Variants in TMEM87B observed in about 807,000 individuals in gnomAD.
The protein encoded by TMEM87B is transmembrane protein 87B.
A neutral mutation model predicts 80.3 loss-of-function variants in TMEM87B; 83 were observed. That is an observed-to-expected ratio of 1.03 (90% CI 0.87 to 1.24). The LOEUF is 1.24. TMEM87B is among the 50% of genes most tolerant of loss of function. TMEM87B has a pLI of 0.00. For missense variants in TMEM87B, 625 were observed against 674.4 expected, an observed-to-expected ratio of 0.93 and a Z score of 0.81; for synonymous variants, 219 against 230.5, an observed-to-expected ratio of 0.95 and a Z score of 0.45.
chr2:112,056,226 TA>T (rs112979922), intron 1 of TMEM87B, among the ~76,000 whole-genome samples: 230 of 143,440 alleles, frequency 1.6e-3, no homozygotes, highest in Non-Finnish European at 1.2e-3. Flanking sequence ...GCCGCTTCCT[TA>T]AAAAAAAAAA....
rs143604454 is a variant in TMEM87B at position 112,070,242 on chromosome 2, C to T, written c.450+3175C>T. ...TTTTTTGGCAACTTTGTCATGAAAT[C>T]GTCACCTGTCCTATGTCCAGAATGG... On this transcript the variant is annotated intron_variant, in intron 4 of 18. Transcript: ENST00000283206. Among the ~76,000 whole-genome samples, 13 of 152,240 alleles carry T rather than the reference C, an allele frequency of 8.5e-5. No homozygotes were observed. The East Asian group carries it at 1.3e-3, about 16-fold the overall frequency.
chr2:112,112,006 C>G (rs1393323060), intron 17 of TMEM87B, among the ~76,000 whole-genome samples: 1 of 152,170 alleles, frequency 6.6e-6, no homozygotes, highest in East Asian at 1.9e-4. Context: ...GCCGTCTTCT[C>G]CCCCATATTT....
At position 112,098,485 on chromosome 2, in the gene TMEM87B, T is replaced by TA. The variant is rs1165840219; in HGVS notation, c.1273-109dup. The TA allele has an allele frequency of 7.5e-6, 7 of 935,830 alleles. No individual in the cohort carries two copies. The East Asian group carries it at 1.8e-4, about 24-fold the overall frequency. 58.0% of individuals were successfully genotyped at this position (935,830 alleles called of 1,614,324 possible). ...TATGTGCTTGTTTATTTGGAAGACT[T>TA]ACTGGTTGGAAAGATTTCATTAGTA... On this transcript the variant is annotated intron_variant, in intron 13 of 18. Transcript: ENST00000283206.
intron 15 of TMEM87B, among the ~76,000 whole-genome samples, chr2:112,104,168 T>G (rs567611673): frequency 6.6e-5 from 10 of 152,292 alleles, no homozygotes; most frequent in African/African-American, 2.4e-4. Context: ...TTAATGACGT[T>G]GGATGGGGTA....
Position 112,055,621 on chromosome 2 carries a change from G to A in TMEM87B, c.30G>A (p.Gly10=), listed in dbSNP as rs1429728562. 4 of 1,540,544 alleles carry A rather than the reference G, an allele frequency of 2.6e-6. No individual in the cohort carries two copies. Among genetic ancestry groups the A allele is most frequent in the Non-Finnish European group, 3.5e-6 (4 of 1,145,596 alleles). The change falls in exon 1 of 19, where the codon GGG becomes GGA. Residue 10 remains glycine (G), a synonymous_variant. Transcript: ENST00000283206. ...TCGCCGCCTGCCGCTCGGTAGCCGG[G>A]CTCCTGCCACGCCGCCGCCGCTGCT... MVAACRSVA[G]LLPRRRRCFP...
At chr2:112,068,277 G>A (rs192384940) in intron 4 of TMEM87B, among the ~76,000 whole-genome samples, 1 of 152,190 alleles carries the variant, frequency 6.6e-6, no homozygotes, top group African/African-American at 2.4e-5. Context: ...AGATTATGAG[G>A]CATTTAAATT....
At chr2:112,100,551 CT>C (rs1679601207) in intron 14 of TMEM87B, 70 bp from the exon 15 acceptor site, 3 of 938,866 alleles carry the variant, frequency 3.2e-6, no homozygotes, top group South Asian at 1.7e-5. Context: ...TATACAATGG[CT>C]TTTAGATATA....
rs1389634909 is a variant in TMEM87B, at chr2:112,081,322, T to C, written c.655-13T>C. 5 of 1,580,840 alleles carry C rather than the reference T, an allele frequency of 3.2e-6. No homozygotes were observed. The highest frequency in any genetic ancestry group is 1.7e-6 in the Non-Finnish European group (2 of 1,166,454). ...AAAGGCTTAACTGACTAAAATTGCT[T>C]CTCTTCCTACAGTTTTACATGGTGA... On this transcript the variant is annotated splice_polypyrimidine_tract_variant and intron_variant, in intron 7 of 18. Coordinates refer to ENST00000283206, the MANE Select transcript of TMEM87B (RefSeq NM_032824.3).
In TMEM87B at chr2:112,097,240, A is replaced by G. The variant is rs1277265427; in HGVS notation, c.1221A>G (p.Ile407Met). 6.2e-7 allele frequency: 1 copy of G among 1,609,310 alleles called. No individual in the cohort carries two copies. Among genetic ancestry groups the G allele is most frequent in the African/African-American group, 1.3e-5 (1 of 74,578 alleles). ...NTLIFAVLAS[I>M]VFMGWTTKTF... The stretch of plus-strand genomic sequence containing the variant: ...ACTTTTTGTGTGTTTCAGCTTCTAT[A>G]GTGTTTATGGGGTGGACAACTAAGA... The change falls in exon 13 of 19, where the codon ATA becomes ATG. Residue 407 changes from isoleucine (I) to methionine (M), a missense_variant. Ile to Met is a conservative substitution (Grantham distance 10). Transcript: ENST00000283206.
At chr2:112,095,089 A>T (rs1679418340) in intron 11 of TMEM87B, 1 of 784,460 alleles carries the variant, frequency 1.3e-6, no homozygotes, top group African/African-American at 1.9e-5. Context: ...CCATAGCCTT[A>T]GCCTTTCTCC....
chr2:112,068,798 CT>C (rs1678521731), intron 4 of TMEM87B, among the ~76,000 whole-genome samples: 1 of 152,226 alleles, frequency 6.6e-6, no homozygotes, highest in Admixed American at 6.5e-5. Context: ...CTTCCTAACA[CT>C]TTCCCTGCCA....
intron 11 of TMEM87B, 58 bp from the exon 12 acceptor site, chr2:112,096,986 G>T (rs909689758): frequency 3.8e-5 from 35 of 919,800 alleles, no homozygotes; most frequent in African/African-American, 2.8e-4. Context: ...AGAAGATTCT[G>T]TTTTTTTTTT....
chr2:112,117,363 T>G lies in TMEM87B; in HGVS notation c.*1220T>G, dbSNP rs1680051754. ...AAATTGAGAATGACTTCAGAGAATT[T>G]TGATTAAGAAAACATTAAAATCTTA... On this transcript the variant is annotated 3_prime_UTR_variant, in exon 19 of 19. Coordinates refer to ENST00000283206, the MANE Select transcript of TMEM87B (RefSeq NM_032824.3). 1 of 152,212 alleles carries G rather than the reference T, an allele frequency of 6.6e-6. No homozygotes were observed. The highest frequency in any genetic ancestry group is 1.5e-5 in the Non-Finnish European group (1 of 68,030). 9.4% of individuals were successfully genotyped at this position (152,212 alleles called of 1,614,324 possible).
chr2:112,082,001 T>A (rs1180488819), intron 8 of TMEM87B, among the ~76,000 whole-genome samples: 1 of 152,120 alleles, frequency 6.6e-6, no homozygotes, highest in Non-Finnish European at 1.5e-5. Flanking sequence ...CCCACAAAGA[T>A]CTTCATATAA....
At chr2:112,072,625 T>G (rs1468361319) in intron 4 of TMEM87B, among the ~76,000 whole-genome samples, 1 of 152,210 alleles carries the variant, frequency 6.6e-6, no homozygotes, top group East Asian at 1.9e-4. Flanking sequence ...ATTCCGTTTG[T>G]CATTTCTAAT....
intron 11 of TMEM87B, 40 bp downstream of exon 11, chr2:112,091,823 A>T (rs943888652): frequency 9.2e-6 from 13 of 1,418,470 alleles, no homozygotes; most frequent in Non-Finnish European, 1.3e-5. Flanking sequence ...TTGTTGTATC[A>T]TGAAAATCAG....
chr2:112,106,314 G>A lies in TMEM87B; in HGVS notation c.1524+239G>A, dbSNP rs149741398. Among the ~76,000 whole-genome samples the A allele has an allele frequency of 3.9e-5, 6 of 152,272 alleles. No individual in the cohort carries two copies. In the East Asian group the frequency reaches 1.2e-3, roughly 29 times the overall value. ...TGCTGTTCCTAGGCCAGCAGCATGA[G>A]CATCATCTGGGAACTTGTTAGAGAT... On this transcript the variant is annotated intron_variant, in intron 16 of 18. Transcript: ENST00000283206.
At chr2:112,112,633 C>G (rs894197576) in intron 17 of TMEM87B, among the ~76,000 whole-genome samples, 2 of 152,222 alleles carry the variant, frequency 1.3e-5, no homozygotes, top group Non-Finnish European at 2.9e-5. Context: ...AATAGATCAT[C>G]CATTTGCTTT....
At chr2:112,091,852 T>C in intron 11 of TMEM87B, 69 bp downstream of exon 11, 1 of 1,232,462 alleles carries the variant, frequency 8.1e-7, no homozygotes, top group South Asian at 1.3e-5. Context: ...TAATTTGTAA[T>C]AACAATAGAA....
Sources: allele counts gnomAD v4.1 joint callset (sites outside exome capture counted in the v4.1 genomes callset), GRCh38; gene constraint gnomAD v4.1.1; transcripts MANE v1.5; gene names NCBI Gene and HGNC (gene_info 2026-07-23, HGNC 2026-07-21).